The following EML6 variants were observed in gnomAD, a reference collection of about 807,000 sequenced individuals.
The protein encoded by EML6 is EMAP like 6, also known as echinoderm microtubule-associated protein-like 6.
Under a neutral mutation model 240.1 loss-of-function variants are expected in EML6, and 154 were observed. The ratio of observed to expected loss-of-function variants is 0.64; its 90% CI spans 0.56 to 0.73. EML6 has a LOEUF of 0.73. EML6 is among the 30% of genes least tolerant of loss of function. The probability of loss-of-function intolerance (pLI) is 0.00; values close to 1 mark genes in which losing one functional copy is unlikely to be tolerated. For synonymous variants in EML6, 1,148 were observed against 899.0 expected (o/e 1.28, Z -4.95); for missense variants, 2,964 against 2,474.6 (o/e 1.20, Z -4.20).
intron 29 of EML6, among the ~76,000 whole-genome samples, chr2:54,949,661 C>G (rs963289303): frequency 1.3e-5 from 2 of 152,210 alleles, no homozygotes; most frequent in Admixed American, 1.3e-4. Context: ...ATCTTCCATG[C>G]CTCATGCTGG....
At chr2:54,758,567 C>G (rs1016998080) in intron 2 of EML6, among the ~76,000 whole-genome samples, 1 of 152,152 alleles carries the variant, frequency 6.6e-6, no homozygotes, top group African/African-American at 2.4e-5. Context: ...GTATTGTCCC[C>G]TAGTATATTA....
intron 39 of EML6, chr2:54,967,355 G>T: frequency 4.0e-6 from 1 of 249,472 alleles, no homozygotes; most frequent in Non-Finnish European, 7.9e-6. Flanking sequence ...ACCCCTTCCA[G>T]CAAGTTCAAC....
chr2:54,927,706 G>C (rs1558694743), intron 26 of EML6, among the ~76,000 whole-genome samples: 1 of 152,214 alleles, frequency 6.6e-6, no homozygotes, highest in African/African-American at 2.4e-5. Flanking sequence ...AAAGCTTTTA[G>C]TCGTTACTGA....
chr2:54,860,467 C>A (rs1019381460), intron 12 of EML6, among the ~76,000 whole-genome samples: 1 of 152,126 alleles, frequency 6.6e-6, no homozygotes, highest in African/African-American at 2.4e-5. Context: ...GGCTTCTAAC[C>A]AATATGCAAC....
chr2:54,792,490 A>T (rs1669507374), intron 2 of EML6, among the ~76,000 whole-genome samples: 1 of 152,238 alleles, frequency 6.6e-6, no homozygotes, highest in Non-Finnish European at 1.5e-5. Flanking sequence ...TTCACACAAA[A>T]GCCTGTCTGT....
At chr2:54,928,853 C>T in intron 28 of EML6, 102 bp downstream of exon 28, 2 of 1,375,006 alleles carry the variant, frequency 1.5e-6, no homozygotes, top group Non-Finnish European at 2.0e-6. Context: ...CTGTTTAAGT[C>T]AGTCTTTTAT....
At chr2:54,820,163 A>T (rs961722671) in intron 4 of EML6, among the ~76,000 whole-genome samples, 3 of 152,164 alleles carry the variant, frequency 2.0e-5, no homozygotes, top group African/African-American at 7.2e-5. Flanking sequence ...AGTTTGTTCT[A>T]AATAATTATG....
chr2:54,795,078 T>G (rs1430997398), intron 2 of EML6, among the ~76,000 whole-genome samples: 1 of 152,228 alleles, frequency 6.6e-6, no homozygotes, highest in Non-Finnish European at 1.5e-5. Flanking sequence ...TTTTCTAGAT[T>G]GGTTTTGCTT....
chr2:54,964,925 G>A (rs1452223213), intron 38 of EML6, among the ~76,000 whole-genome samples, 192 bp downstream of exon 38: 2 of 152,184 alleles, frequency 1.3e-5, no homozygotes, highest in East Asian at 3.9e-4. Context: ...TAAGAACGTG[G>A]AGGAAATAGA....
chr2:54,844,199 C>A lies in EML6; in HGVS notation c.1000C>A (p.His334Asn). ...GGGTGAGCTCTGGGCTCTGGCCCTG[C>A]ACCCCAAGAAGCCTCTGGCTGTGAC... ...CEGELWALAL[H>N]PKKPLAVTGS... Residue 334 changes from histidine to asparagine, a missense_variant, in exon 8 of 42, where the codon CAC becomes AAC. His to Asn is a moderately conservative substitution (Grantham distance 68, BLOSUM62 1). Transcript: ENST00000356458. The A allele has an allele frequency of 6.4e-7, 1 of 1,551,700 alleles. No homozygotes were observed. Among genetic ancestry groups the A allele is most frequent in the Admixed American group, 2.0e-5 (1 of 51,010 alleles).
At position 54,844,063 on chromosome 2, in the gene EML6, C is replaced by T. The variant is rs377255621; in HGVS notation, c.864C>T (p.Ser288=). The stretch of plus-strand genomic sequence containing the variant: ...TTTTGTCAGGCCTCTCTATCCGGAG[C>T]GTGTGCTGGAAAGCAGACCGCCTTC... ...EQGYKGLSIR[S]VCWKADRLLA... Residue 288 remains serine (S), a synonymous_variant, in exon 8 of 42, where the codon AGC becomes AGT. Coordinates refer to ENST00000356458, the MANE Select transcript of EML6 (RefSeq NM_001039753.4). The T allele has an allele frequency of 1.8e-5, 28 of 1,536,886 alleles. No homozygotes were observed. Among genetic ancestry groups the T allele is most frequent in the East Asian group, 5.1e-5 (2 of 39,438 alleles).
chr2:54,795,903 G>T (rs1222774213), intron 2 of EML6, among the ~76,000 whole-genome samples: 2 of 152,158 alleles, frequency 1.3e-5, no homozygotes, highest in Non-Finnish European at 2.9e-5. Flanking sequence ...AGCTGCTTCT[G>T]TGGAATTTGC....
chr2:54,898,843 A>G (rs1277096733), intron 21 of EML6, among the ~76,000 whole-genome samples: 2 of 152,252 alleles, frequency 1.3e-5, no homozygotes, highest in East Asian at 3.8e-4. Context: ...TACACACTGC[A>G]TTATAGAGTG....
At chr2:54,851,203 G>A (rs1200100677) in intron 10 of EML6, among the ~76,000 whole-genome samples, 1 of 152,050 alleles carries the variant, frequency 6.6e-6, no homozygotes, top group Non-Finnish European at 1.5e-5. Context: ...GAGGTCAGGA[G>A]TTCGAAATCA....
chr2:54,959,567 G>C (rs1676399829), intron 34 of EML6, among the ~76,000 whole-genome samples: 1 of 152,114 alleles, frequency 6.6e-6, no homozygotes, highest in African/African-American at 2.4e-5. Flanking sequence ...TTCAAAACCA[G>C]CCTGGTCAAC....
intron 35 of EML6, 60 bp downstream of exon 35, chr2:54,960,394 C>A (rs780257787): frequency 9.9e-5 from 125 of 1,257,172 alleles, no homozygotes; most frequent in Non-Finnish European, 1.3e-4. Flanking sequence ...TAGGTACCCT[C>A]CCAGCCGGCA....
intron 2 of EML6, among the ~76,000 whole-genome samples, chr2:54,807,779 A>T (rs975857352): frequency 2.0e-5 from 3 of 152,246 alleles, no homozygotes; most frequent in African/African-American, 7.2e-5. Context: ...TATAATACCT[A>T]ACAGTGGCTG....
chr2:54,848,970 T>C (rs1461343832), intron 9 of EML6, among the ~76,000 whole-genome samples: 1 of 152,232 alleles, frequency 6.6e-6, no homozygotes, highest in African/African-American at 2.4e-5. Flanking sequence ...CACTCGTTTC[T>C]TAAAGTATAA....
intron 30 of EML6, among the ~76,000 whole-genome samples, chr2:54,952,145 T>C (rs1676012372): frequency 6.6e-6 from 1 of 152,190 alleles, no homozygotes. Flanking sequence ...GAATTTCATA[T>C]TCCACATGAA....
Sources: gnomAD v4.1 joint callset for allele counts (sites outside exome capture counted in the v4.1 genomes callset) on GRCh38, gnomAD v4.1.1 for gene constraint, MANE v1.5 for transcripts, NCBI Gene and HGNC (gene_info 2026-07-23, HGNC 2026-07-21) for gene names.